PCSK5: variants seen among roughly 807,000 people sequenced by gnomAD.
The protein encoded by PCSK5 is proprotein convertase subtilisin/kexin type 5, also known as prohormone convertase 5.
Under a neutral mutation model 233.2 loss-of-function variants are expected in PCSK5, and 129 were observed. The ratio of observed to expected loss-of-function variants is 0.55; its 90% CI spans 0.48 to 0.64. The LOEUF is 0.64. Among genes scored for constraint, PCSK5 ranks in the 30% least tolerant of loss-of-function variants. The probability of loss-of-function intolerance (pLI) is 0.00; values close to 1 mark genes in which losing one functional copy is unlikely to be tolerated. For missense variants in PCSK5, 2,076 were observed against 2,430.1 expected, an observed-to-expected ratio of 0.85 and a Z score of 3.06; for synonymous variants, 825 against 879.2, an observed-to-expected ratio of 0.94 and a Z score of 1.09.
chr9:76,089,956 G>A (rs188276032), intron 7 of PCSK5, among the ~76,000 whole-genome samples: 1 of 152,292 alleles, frequency 6.6e-6, no homozygotes, highest in East Asian at 1.9e-4. Context: ...GAAAAAAAAT[G>A]TGCATTTAGA....
In PCSK5 at chr9:76,362,664, G is replaced by A. The variant is rs182722709; in HGVS notation, c.*3742G>A. Among the ~76,000 whole-genome samples, 12 of 152,338 alleles carry A rather than the reference G, an allele frequency of 7.9e-5. No homozygotes were observed. Among genetic ancestry groups the A allele is most frequent in the Non-Finnish European group, 1.2e-4 (8 of 68,032 alleles). On this transcript the variant is annotated 3_prime_UTR_variant, in exon 38 of 38. Transcript: ENST00000674117. ...AATGAAATCCACAGGCAGACAGCCC[G>A]GCGCTACGCCCTGGGCCTGGCAGTT... is the stretch of plus-strand genomic sequence containing the variant.
At chr9:76,121,132 T>C (rs7046887) in intron 9 of PCSK5, among the ~76,000 whole-genome samples, 72,317 of 151,780 alleles carry the variant, frequency 0.48, 17,633 homozygotes, top group Admixed American at 0.52. Flanking sequence ...TCTGTTTCAC[T>C]TTTTGTCAAT....
At chr9:76,347,616 T>C (rs754448370) in intron 35 of PCSK5, among the ~76,000 whole-genome samples, 18 of 152,024 alleles carry the variant, frequency 1.2e-4, no homozygotes, top group Non-Finnish European at 2.2e-4. Flanking sequence ...CTTGGCCAGG[T>C]GCAGTGGCTC....
At chr9:76,139,293 G>T (rs941488899) in intron 10 of PCSK5, among the ~76,000 whole-genome samples, 2 of 152,098 alleles carry the variant, frequency 1.3e-5, no homozygotes, top group African/African-American at 4.8e-5. Context: ...GATTTCTGAT[G>T]TGTTACCATT....
intron 2 of PCSK5, among the ~76,000 whole-genome samples, chr9:75,984,362 CATG>C (rs1826409558): frequency 6.6e-6 from 1 of 152,136 alleles, no homozygotes; most frequent in African/African-American, 2.4e-5. Flanking sequence ...GTGGGGAAGA[CATG>C]ATACTTTCCG....
At chr9:76,049,594 G>GGACA (rs1317578483) in intron 5 of PCSK5, among the ~76,000 whole-genome samples, 1 of 152,104 alleles carries the variant, frequency 6.6e-6, no homozygotes, top group Non-Finnish European at 1.5e-5. Flanking sequence ...AATAACCCTG[G>GGACA]GACAAAGCTC....
At chr9:76,312,645 T>C (rs903997517) in intron 30 of PCSK5, among the ~76,000 whole-genome samples, 1 of 152,304 alleles carries the variant, frequency 6.6e-6, no homozygotes, top group South Asian at 2.1e-4. Context: ...ATAAGGTATT[T>C]ACCCTCAAAA....
At chr9:76,022,969 G>A (rs902667827) in intron 3 of PCSK5, among the ~76,000 whole-genome samples, 1 of 152,130 alleles carries the variant, frequency 6.6e-6, no homozygotes, top group Non-Finnish European at 1.5e-5. Flanking sequence ...TTTTTCATAG[G>A]AGCACACATC....
intron 20 of PCSK5, among the ~76,000 whole-genome samples, chr9:76,210,567 G>A (rs183706806): frequency 4.0e-4 from 61 of 152,298 alleles, no homozygotes; most frequent in African/African-American, 1.4e-3. Context: ...GAGGATGAGG[G>A]TAAAATTGAA....
rs372311599 is a variant in PCSK5 at position 76,332,479 on chromosome 9, G to T, written c.4617G>T (p.Glu1539Asp). 6.2e-7 allele frequency: 1 copy of T among 1,612,660 alleles called. No homozygotes were observed. The highest frequency in any genetic ancestry group is 2.2e-5 in the East Asian group (1 of 44,880). Reference sequence around the variant, plus strand: ...GCCCAGAGGGCTATTATGCCGATGAGGACAGCAACCGGTGTGCCCACTGCC... The same window carrying T: ...GCCCAGAGGGCTATTATGCCGATGATGACAGCAACCGGTGTGCCCACTGCC... The part of the protein sequence containing the change: ...KDCPEGYYAD[E>D]DSNRCAHCHS... Residue 1539 changes from glutamate to aspartate, a missense_variant, in exon 34 of 38, where the codon GAG (glutamate) becomes GAT (aspartate). Physicochemically the swap from Glu to Asp is conservative, Grantham distance 45. Transcript: ENST00000674117.
At chr9:76,015,261 A>G (rs1302715695) in intron 3 of PCSK5, among the ~76,000 whole-genome samples, 1 of 152,178 alleles carries the variant, frequency 6.6e-6, no homozygotes, top group Non-Finnish European at 1.5e-5. Context: ...TCCGCCCCTC[A>G]ACAGATCAGA....
At chr9:76,022,555 TTAA>T (rs987913075) in intron 3 of PCSK5, among the ~76,000 whole-genome samples, 1 of 152,184 alleles carries the variant, frequency 6.6e-6, no homozygotes, top group Non-Finnish European at 1.5e-5. Context: ...CTCCCGAGTC[TTAA>T]GAACCTGGAA....
intron 8 of PCSK5, among the ~76,000 whole-genome samples, chr9:76,100,209 A>C (rs1234306955): frequency 6.6e-6 from 1 of 152,228 alleles, no homozygotes; most frequent in Non-Finnish European, 1.5e-5. Context: ...AAGTATAAAG[A>C]TTACTATGAA....
chr9:76,296,465 C>T (rs1711627757), intron 26 of PCSK5, among the ~76,000 whole-genome samples, 200 bp from the exon 27 acceptor site: 1 of 152,104 alleles, frequency 6.6e-6, no homozygotes. Flanking sequence ...ATTGCTTGAA[C>T]CCGGGAGGTG....
intron 35 of PCSK5, among the ~76,000 whole-genome samples, chr9:76,340,822 C>G (rs1391279042): frequency 2.0e-5 from 3 of 151,968 alleles, no homozygotes; most frequent in Admixed American, 2.0e-4. Flanking sequence ...CTTCAGCACT[C>G]CATTTCATTC....
intron 10 of PCSK5, among the ~76,000 whole-genome samples, chr9:76,142,738 A>G (rs1325272895): frequency 6.6e-6 from 1 of 152,160 alleles, no homozygotes; most frequent in East Asian, 1.9e-4. Flanking sequence ...TTAACATGGA[A>G]TTTGTATTTT....
intron 15 of PCSK5, among the ~76,000 whole-genome samples, chr9:76,180,438 A>C (rs1823811891): frequency 6.6e-6 from 1 of 152,120 alleles, no homozygotes; most frequent in Non-Finnish European, 1.5e-5. Context: ...AGTGTGGCAA[A>C]GGGGTTGGTC....
Position 76,321,673 on chromosome 9 carries a change from C to T in PCSK5, c.4102+34C>T, listed in dbSNP as rs1317998774. ...GAGCTTCCCACAGGAGAGCAAGGCT[C>T]TGCTGAGCCACCAGTTGGGGGCCGA... is the stretch of plus-strand genomic sequence containing the variant. On this transcript the variant is annotated intron_variant, in intron 31 of 37. Transcript: ENST00000674117. 3.5e-6 allele frequency: 5 copies of T among 1,448,024 alleles called. No individual in the cohort carries two copies. In the African/African-American group the frequency reaches 7.0e-5, roughly 20 times the overall value. 89.7% of individuals were successfully genotyped at this position (1,448,024 alleles called of 1,614,324 possible).
chr9:76,325,900 G>A (rs12000275), intron 32 of PCSK5, among the ~76,000 whole-genome samples: 36,851 of 152,024 alleles, frequency 0.24, 4,763 homozygotes, highest in African/African-American at 0.31. Context: ...GCCTCCCAAA[G>A]TGCTGGGATT....
Sources: allele counts gnomAD v4.1 joint callset (sites outside exome capture counted in the v4.1 genomes callset), GRCh38; gene constraint gnomAD v4.1.1; transcripts MANE v1.5; gene names NCBI Gene and HGNC (gene_info 2026-07-23, HGNC 2026-07-21).